The following ADGB variants were observed in gnomAD, a reference collection of about 807,000 sequenced individuals.
ADGB encodes the protein androglobin, also known as calpain-7-like protein.
A neutral mutation model predicts 210.5 loss-of-function variants in ADGB; 172 were observed. The ratio of observed to expected loss-of-function variants is 0.82; its 90% CI spans 0.72 to 0.93. The LOEUF is 0.93. Among genes scored for constraint, ADGB ranks in the 40% least tolerant of loss-of-function variants. The probability of loss-of-function intolerance (pLI) is 0.00; values close to 1 mark genes in which losing one functional copy is unlikely to be tolerated. For missense variants in ADGB, 2,025 were observed against 1,964.8 expected, an observed-to-expected ratio of 1.03 and a Z score of -0.58; for synonymous variants, 658 against 662.7, an observed-to-expected ratio of 0.99 and a Z score of 0.11.
chr6:146,799,076 A>AC (rs1467863765), intron 33 of ADGB, among the ~76,000 whole-genome samples: 2 of 150,786 alleles, frequency 1.3e-5, no homozygotes, highest in African/African-American at 4.9e-5. Context: ...AAAAAAAAAA[A>AC]AAACAGAAAA....
Position 146,664,344 on chromosome 6 carries a change from T to C in ADGB, c.752+4T>C. 1 of 1,546,482 alleles carries C rather than the reference T, an allele frequency of 6.5e-7. No homozygotes were observed. Among genetic ancestry groups the C allele is most frequent in the Middle Eastern group, 1.7e-4 (1 of 5,908 alleles). On this transcript the variant is annotated splice_donor_region_variant and intron_variant, in intron 6 of 35. Coordinates refer to ENST00000397944, the MANE Select transcript of ADGB (RefSeq NM_024694.4). ...TTATCAAGCTGGCAAATATTGAGTA[T>C]GTAATGACACTATCACTCACATGAA...
At chr6:146,766,658 T>C (rs944123540) in intron 28 of ADGB, among the ~76,000 whole-genome samples, 4 of 152,058 alleles carry the variant, frequency 2.6e-5, no homozygotes, top group African/African-American at 9.7e-5. Flanking sequence ...GGCCCCCTTT[T>C]GGCTTTATAG....
Position 146,656,975 on chromosome 6 carries a change from T to A in ADGB, c.607T>A (p.Trp203Arg). 1.9e-6 allele frequency: 3 copies of A among 1,549,698 alleles called. No homozygotes were observed. Among genetic ancestry groups the A allele is most frequent in the Non-Finnish European group, 2.6e-6 (3 of 1,145,402 alleles). The change falls in exon 5 of 36, where the codon TGG (tryptophan) becomes AGG (arginine). Residue 203 changes from tryptophan (W) to arginine (R), a missense_variant. Transcript: ENST00000397944. ...TGGAAAGTATGTTGTGAAACTTTACTGGATGGTAAGTCCATTTTCGTGTGC... is the reference window on the plus strand; with the variant it reads ...TGGAAAGTATGTTGTGAAACTTTACAGGATGGTAAGTCCATTTTCGTGTGC... ...SYGKYVVKLY[W>R]MGCWRKITID...
At position 146,805,129 on chromosome 6, in the gene ADGB, A is replaced by G. The variant is rs1021472607; in HGVS notation, c.4818+3118A>G. On this transcript the variant is annotated intron_variant, in intron 35 of 35. Coordinates refer to ENST00000397944, the MANE Select transcript of ADGB (RefSeq NM_024694.4). ...AGATCCCCTGGCTGAAGGAGCTTCC[A>G]TAGAGACACCTCTACCATGATTATT... Among the ~76,000 whole-genome samples the G allele has an allele frequency of 2.9e-4, 44 of 152,226 alleles. 1 individual carries two copies. The highest frequency in any genetic ancestry group is 1.4e-3 in the Admixed American group (22 of 15,290).
chr6:146,781,088 G>A (rs1777791531), intron 29 of ADGB, among the ~76,000 whole-genome samples: 1 of 151,236 alleles, frequency 6.6e-6, no homozygotes, highest in Non-Finnish European at 1.5e-5. Context: ...AGCACTTTGG[G>A]AGGCCGAGGC....
At chr6:146,666,720 G>C in intron 6 of ADGB, 96 bp from the exon 7 acceptor site, 1 of 684,022 alleles carries the variant, frequency 1.5e-6, no homozygotes, top group East Asian at 2.8e-5. Context: ...TGAATAATCA[G>C]AATATATTGC....
intron 13 of ADGB, among the ~76,000 whole-genome samples, chr6:146,708,657 G>C (rs1322546095): frequency 1.3e-5 from 2 of 152,006 alleles, no homozygotes; most frequent in African/African-American, 4.8e-5. Context: ...ATTTTTGACA[G>C]TTTGATTACA....
intron 13 of ADGB, among the ~76,000 whole-genome samples, chr6:146,703,999 AT>A (rs1160745331): frequency 1.1e-4 from 17 of 151,934 alleles, no homozygotes; most frequent in African/African-American, 3.6e-4. Flanking sequence ...GATAACAGCC[AT>A]TTTAACAGGT....
At chr6:146,770,811 TG>T (rs1415247635) in intron 29 of ADGB, among the ~76,000 whole-genome samples, 1 of 152,116 alleles carries the variant, frequency 6.6e-6, no homozygotes, top group African/African-American at 2.4e-5. Context: ...GAGCAGACAA[TG>T]GGGTGTTCAA....
intron 7 of ADGB, among the ~76,000 whole-genome samples, chr6:146,671,391 CG>C (rs1356072647): frequency 1.3e-5 from 2 of 152,102 alleles, no homozygotes; most frequent in African/African-American, 4.8e-5. Flanking sequence ...TAGTATCCAA[CG>C]GACACTGTGT....
chr6:146,800,133 T>C (rs1212626179), intron 33 of ADGB, among the ~76,000 whole-genome samples: 1 of 91,294 alleles, frequency 1.1e-5, no homozygotes, highest in Non-Finnish European at 2.7e-5. Context: ...AAAATAAACT[T>C]TTTTCTTTTT....
chr6:146,678,855 A>G (rs1776120368), intron 9 of ADGB, among the ~76,000 whole-genome samples: 1 of 152,226 alleles, frequency 6.6e-6, no homozygotes, highest in Non-Finnish European at 1.5e-5. Flanking sequence ...TGGTATGACT[A>G]ACAAATGATT....
chr6:146,705,248 T>G (rs914650596), intron 13 of ADGB, among the ~76,000 whole-genome samples: 7 of 152,128 alleles, frequency 4.6e-5, no homozygotes, highest in African/African-American at 1.2e-4. Flanking sequence ...AAAATTTAGC[T>G]TCTTTCTTTC....
Position 146,789,864 on chromosome 6 carries a change from A to C in ADGB, c.4537+1254A>C, listed in dbSNP as rs1327172976. On this transcript the variant is annotated intron_variant, in intron 33 of 35. Coordinates refer to ENST00000397944, the MANE Select transcript of ADGB (RefSeq NM_024694.4). ...CAGGAAACTGATGCAGTTTGGCTAG[A>C]ACCTGGACTTACACCCAGCTCTTTG... Among the ~76,000 whole-genome samples the C allele has an allele frequency of 2.0e-5, 3 of 152,302 alleles. No individual in the cohort carries two copies. The East Asian group carries it at 5.8e-4, about 29-fold the overall frequency.
At chr6:146,658,014 G>A (rs1361756220) in intron 5 of ADGB, among the ~76,000 whole-genome samples, 3 of 152,062 alleles carry the variant, frequency 2.0e-5, no homozygotes, top group Non-Finnish European at 2.9e-5. Context: ...ACATTTAAAG[G>A]AATGGGAAAG....
intron 1 of ADGB, among the ~76,000 whole-genome samples, chr6:146,626,118 C>A (rs1469272414): frequency 6.6e-6 from 1 of 151,818 alleles, no homozygotes; most frequent in East Asian, 1.9e-4. Flanking sequence ...GTTTATAATA[C>A]ATCACTTATC....
At chr6:146,625,069 A>G (rs1780953017) in intron 1 of ADGB, among the ~76,000 whole-genome samples, 1 of 152,068 alleles carries the variant, frequency 6.6e-6, no homozygotes, top group Non-Finnish European at 1.5e-5. Context: ...ATAAATGTTA[A>G]TTAGGTCAAT....
intron 9 of ADGB, among the ~76,000 whole-genome samples, chr6:146,681,265 A>G (rs9377017): frequency 0.78 from 117,838 of 151,800 alleles, 46,635 homozygotes; most frequent in African/African-American, 0.93. Context: ...AAACTGTGTA[A>G]CATCTCTCCC....
At position 146,635,420 on chromosome 6, in the gene ADGB, AAAG is replaced by A; in HGVS notation, c.124_126del (p.Lys42del). The A allele has an allele frequency of 6.5e-7, 1 of 1,547,454 alleles. No homozygotes were observed. The highest frequency in any genetic ancestry group is 8.7e-7 in the Non-Finnish European group (1 of 1,144,796). On this transcript the variant is annotated inframe_deletion, in exon 2 of 36. Coordinates refer to ENST00000397944, the MANE Select transcript of ADGB (RefSeq NM_024694.4). ...ATGTACAATCTGGTTCTACTGAACA[AAAG>A]AAGGGGAAATTCCCACTCTGGCCAG... is the stretch of plus-strand genomic sequence containing the variant.
Sources: gnomAD v4.1 joint callset for allele counts (sites outside exome capture counted in the v4.1 genomes callset) on GRCh38, gnomAD v4.1.1 for gene constraint, MANE v1.5 for transcripts, NCBI Gene and HGNC (gene_info 2026-07-23, HGNC 2026-07-21) for gene names.